Variants in CTNNA3 observed in about 807,000 individuals in gnomAD.
CTNNA3 encodes catenin alpha 3.
A neutral mutation model predicts 95.7 loss-of-function variants in CTNNA3; 76 were observed. That is an observed-to-expected ratio of 0.79 (90% CI 0.66 to 0.96). The LOEUF is 0.96. Ranked by LOEUF, CTNNA3 falls within the 40% of genes least tolerant of loss-of-function variation. The probability of loss-of-function intolerance (pLI) is 0.00; values close to 1 mark genes in which losing one functional copy is unlikely to be tolerated. For synonymous variants in CTNNA3, 431 were observed against 374.4 expected (o/e 1.15, Z -1.74); for missense variants, 1,191 against 1,089.8 (o/e 1.09, Z -1.31).
chr10:67,426,925 G>A (rs1364104560), intron 5 of CTNNA3, among the ~76,000 whole-genome samples: 1 of 151,930 alleles, frequency 6.6e-6, no homozygotes, highest in African/African-American at 2.4e-5. Context: ...AATTTTCAAT[G>A]TACAGGAAGA....
intron 9 of CTNNA3, among the ~76,000 whole-genome samples, chr10:66,734,924 A>G (rs1213368265): frequency 3.3e-5 from 5 of 151,456 alleles, no homozygotes; most frequent in Non-Finnish European, 5.9e-5. Flanking sequence ...TTTTTAAGGC[A>G]TTTGCAATAT....
intron 7 of CTNNA3, chr10:66,928,515 C>A: frequency 3.5e-6 from 5 of 1,447,844 alleles, no homozygotes; most frequent in Non-Finnish European, 4.7e-6. Context: ...CTTTATTGAA[C>A]TCTGGTGACT....
At chr10:67,445,690 C>G (rs567983602) in intron 5 of CTNNA3, among the ~76,000 whole-genome samples, 1 of 152,276 alleles carries the variant, frequency 6.6e-6, no homozygotes, top group Non-Finnish European at 1.5e-5. Context: ...AGCAATACCA[C>G]TATTCAGCAG....
At position 66,539,170 on chromosome 10, in the gene CTNNA3, G is replaced by A. The variant is rs137996309; in HGVS notation, c.1375-18397C>T. 2.2e-3 allele frequency among the ~76,000 whole-genome samples: 337 copies of A among 152,136 alleles called. 2 individuals carry two copies. Among genetic ancestry groups the A allele is most frequent in the Non-Finnish European group, 2.7e-3 (182 of 68,008 alleles). On this transcript the variant is annotated intron_variant, in intron 10 of 17. Coordinates refer to ENST00000433211, the MANE Select transcript of CTNNA3 (RefSeq NM_013266.4). Reference sequence around the variant, plus strand: ...TATTAGCCAGCTATAGTGTACATCCGGAAAAATAGGAGCCACAGACACTTT... The same window carrying A: ...TATTAGCCAGCTATAGTGTACATCCAGAAAAATAGGAGCCACAGACACTTT...
intron 15 of CTNNA3, among the ~76,000 whole-genome samples, chr10:66,007,954 G>A (rs1326826675): frequency 6.6e-6 from 1 of 151,726 alleles, no homozygotes; most frequent in Non-Finnish European, 1.5e-5. Context: ...TTAGGCCACA[G>A]CCTTTTTCTA....
At chr10:67,192,843 C>A (rs557607664) in intron 6 of CTNNA3, among the ~76,000 whole-genome samples, 2 of 151,882 alleles carry the variant, frequency 1.3e-5, no homozygotes, top group South Asian at 4.2e-4. Flanking sequence ...TGGCAACTAC[C>A]TAAGCATCTG....
chr10:66,687,871 T>C (rs1219252760), intron 9 of CTNNA3, among the ~76,000 whole-genome samples: 1 of 152,034 alleles, frequency 6.6e-6, no homozygotes, highest in Non-Finnish European at 1.5e-5. Context: ...TATTCCATAA[T>C]TTATTGAGGA....
intron 7 of CTNNA3, among the ~76,000 whole-genome samples, chr10:66,821,888 C>T (rs1842315183): frequency 6.6e-6 from 1 of 152,156 alleles, no homozygotes. Flanking sequence ...AGCACTGGAG[C>T]ACACAGAAGT....
chr10:66,914,825 TG>T (rs1846403593), intron 7 of CTNNA3, among the ~76,000 whole-genome samples: 3 of 152,184 alleles, frequency 2.0e-5, no homozygotes, highest in Admixed American at 2.0e-4. Flanking sequence ...AGAATGCACA[TG>T]AATGTTTCTT....
chr10:65,976,962 T>G (rs75385256), intron 16 of CTNNA3, among the ~76,000 whole-genome samples: 435 of 152,272 alleles, frequency 2.9e-3, no homozygotes, highest in Non-Finnish European at 5.0e-3. Flanking sequence ...ATATCTTAAG[T>G]CCTTAAATAT....
chr10:67,452,059 A>AAGGGAAGG (rs749951862), intron 5 of CTNNA3, among the ~76,000 whole-genome samples: 1 of 100,768 alleles, frequency 9.9e-6, no homozygotes, highest in Admixed American at 9.6e-5. Flanking sequence ...GGGAGGGAGG[A>AAGGGAAGG]ATGGAAGGAA....
In CTNNA3 at chr10:67,564,677, G is replaced by GTATATATATAAATATA. The variant is rs1554854251; in HGVS notation, c.293-25009_293-25008insTATATTTATATATATA. ...TATATGCATATATGTGTGTGTGTGT[G>GTATATATATAAATATA]TATATATATATATATATATATATAT... is the stretch of plus-strand genomic sequence containing the variant. On this transcript the variant is annotated intron_variant, in intron 3 of 17. Coordinates refer to ENST00000433211, the MANE Select transcript of CTNNA3 (RefSeq NM_013266.4). Among the ~76,000 whole-genome samples the GTATATATATAAATATA allele has an allele frequency of 9.1e-4, 56 of 61,312 alleles. 2 individuals carry two copies. The highest frequency in any genetic ancestry group is 1.5e-3 in the Non-Finnish European group (47 of 32,062). The allele number at this position is 61,312 out of a possible 152,430, so 40.2% of individuals were successfully genotyped here. A position where few individuals can be genotyped will look rare whatever the true frequency, so the allele number is the denominator to read the frequency against.
chr10:66,131,262 C>T (rs965334507), intron 13 of CTNNA3, among the ~76,000 whole-genome samples: 1 of 152,020 alleles, frequency 6.6e-6, no homozygotes, highest in African/African-American at 2.4e-5. Context: ...AGAGACACAA[C>T]AAAAAGGAAG....
At chr10:67,438,187 A>G (rs149627555) in intron 5 of CTNNA3, among the ~76,000 whole-genome samples, 146 of 152,332 alleles carry the variant, frequency 9.6e-4, no homozygotes, top group Non-Finnish European at 1.2e-3. Flanking sequence ...CAGTTTGGGC[A>G]TGATGGGAAT....
At chr10:66,276,682 C>A (rs955021218) in intron 13 of CTNNA3, among the ~76,000 whole-genome samples, 2 of 152,000 alleles carry the variant, frequency 1.3e-5, no homozygotes, top group African/African-American at 4.8e-5. Flanking sequence ...GGACTTTGCC[C>A]TTCATGTTGC....
chr10:66,685,267 A>G (rs1056125757), intron 9 of CTNNA3, among the ~76,000 whole-genome samples: 5 of 84,472 alleles, frequency 5.9e-5, no homozygotes, highest in Admixed American at 3.3e-4. Context: ...ATATGTGTGT[A>G]TATATACGTA....
At chr10:66,445,549 G>A (rs548923092) in intron 11 of CTNNA3, among the ~76,000 whole-genome samples, 14 of 152,046 alleles carry the variant, frequency 9.2e-5, no homozygotes, top group South Asian at 4.2e-4. Context: ...ACATGGAAAC[G>A]GAACAACTTG....
chr10:66,696,103 A>G lies in CTNNA3; in HGVS notation c.1281+70161T>C, dbSNP rs572346997. Among the ~76,000 whole-genome samples, 80 of 152,302 alleles carry G rather than the reference A, an allele frequency of 5.3e-4. 1 individual carries two copies. Among genetic ancestry groups the G allele is most frequent in the African/African-American group, 1.5e-3 (62 of 41,572 alleles). On this transcript the variant is annotated intron_variant, in intron 9 of 17. Coordinates refer to ENST00000433211, the MANE Select transcript of CTNNA3 (RefSeq NM_013266.4). ...CTAACAGGTATGCAACATATTTGAAATGTCAGGTACAGCAAAGCAAATGAC... is the reference window on the plus strand; with the variant it reads ...CTAACAGGTATGCAACATATTTGAAGTGTCAGGTACAGCAAAGCAAATGAC...
intron 13 of CTNNA3, among the ~76,000 whole-genome samples, chr10:66,154,780 A>T (rs2133914945): frequency 7.1e-6 from 1 of 141,064 alleles, no homozygotes; most frequent in African/African-American, 2.6e-5. Context: ...ATATTAGGAA[A>T]ATGTCCTATT....
Sources: allele counts gnomAD v4.1 joint callset (sites outside exome capture counted in the v4.1 genomes callset), GRCh38; gene constraint gnomAD v4.1.1; transcripts MANE v1.5; gene names NCBI Gene and HGNC (gene_info 2026-07-23, HGNC 2026-07-21).